Variants in CNTNAP2 observed in about 807,000 individuals in gnomAD.
The protein encoded by CNTNAP2 is contactin-associated protein-like 2.
CNTNAP2 carries 98 observed loss-of-function variants against 155.2 expected under a neutral mutation model. The observed-to-expected ratio is 0.63, with a 90% CI of 0.54 to 0.75. CNTNAP2 has a LOEUF of 0.75. CNTNAP2 is among the 30% of genes least tolerant of loss of function. The pLI is 0.00. For synonymous variants in CNTNAP2, 651 were observed against 631.2 expected (o/e 1.03, Z -0.47); for missense variants, 1,727 against 1,688.1 (o/e 1.02, Z -0.40).
At chr7:147,247,117 A>C (rs1804085859) in intron 8 of CNTNAP2, among the ~76,000 whole-genome samples, 1 of 152,190 alleles carries the variant, frequency 6.6e-6, no homozygotes, top group Non-Finnish European at 1.5e-5. Context: ...TCTATTTTTG[A>C]AATCAATAAT....
chr7:148,404,902 C>A (rs899866663), intron 22 of CNTNAP2, among the ~76,000 whole-genome samples: 18 of 152,194 alleles, frequency 1.2e-4, no homozygotes, highest in African/African-American at 3.6e-4. Flanking sequence ...TGCTGCTTCT[C>A]CTCTTGATGT....
chr7:146,750,909 A>C (rs182045886), intron 1 of CNTNAP2, among the ~76,000 whole-genome samples: 2,063 of 152,320 alleles, frequency 0.014, 40 homozygotes, highest in African/African-American at 0.047. Flanking sequence ...CTGAGATATA[A>C]AAATAATGCT....
chr7:147,888,318 C>A (rs1799632354), intron 13 of CNTNAP2, among the ~76,000 whole-genome samples: 1 of 151,822 alleles, frequency 6.6e-6, no homozygotes, highest in Admixed American at 6.6e-5. Context: ...AAATTAAAAG[C>A]TTAATGTTAG....
At chr7:148,235,521 A>T (rs1796027333) in intron 20 of CNTNAP2, among the ~76,000 whole-genome samples, 1 of 152,064 alleles carries the variant, frequency 6.6e-6, no homozygotes, top group Non-Finnish European at 1.5e-5. Context: ...ACTGCCACCA[A>T]CTTCCCTGCT....
At chr7:146,299,622 C>T (rs1800572758) in intron 1 of CNTNAP2, among the ~76,000 whole-genome samples, 1 of 151,536 alleles carries the variant, frequency 6.6e-6, no homozygotes, top group Non-Finnish European at 1.5e-5. Flanking sequence ...GGATGGTCAC[C>T]AACACTGGCC....
chr7:146,246,962 G>A (rs1234391978), intron 1 of CNTNAP2, among the ~76,000 whole-genome samples: 1 of 152,164 alleles, frequency 6.6e-6, no homozygotes, highest in East Asian at 1.9e-4. Context: ...GCAAGGAATT[G>A]CAACTTTTTT....
At chr7:147,548,449 G>A (rs972722142) in intron 11 of CNTNAP2, among the ~76,000 whole-genome samples, 5 of 151,538 alleles carry the variant, frequency 3.3e-5, no homozygotes, top group Non-Finnish European at 4.4e-5. Flanking sequence ...TTTTTGATGG[G>A]GTTGTTTGAT....
intron 8 of CNTNAP2, among the ~76,000 whole-genome samples, chr7:147,286,244 A>G (rs569861041): frequency 1.3e-5 from 2 of 152,080 alleles, no homozygotes; most frequent in Non-Finnish European, 2.9e-5. Flanking sequence ...TCTGAAACAT[A>G]TATGGGACAA....
intron 1 of CNTNAP2, among the ~76,000 whole-genome samples, chr7:146,555,066 T>C (rs1468472868): frequency 3.9e-5 from 6 of 152,228 alleles, no homozygotes; most frequent in Admixed American, 3.9e-4. Context: ...TACAGGTTTC[T>C]TACTCTTCCC....
chr7:146,801,138 G>A (rs1287508863), intron 2 of CNTNAP2, among the ~76,000 whole-genome samples: 1 of 152,146 alleles, frequency 6.6e-6, no homozygotes, highest in Non-Finnish European at 1.5e-5. Context: ...CTTCATGGAG[G>A]ATGAAGGGGT....
chr7:146,932,140 A>G (rs1409434561), intron 3 of CNTNAP2, among the ~76,000 whole-genome samples: 1 of 152,156 alleles, frequency 6.6e-6, no homozygotes, highest in Non-Finnish European at 1.5e-5. Flanking sequence ...ACCAAAAAAG[A>G]GAATTTTAGA....
At chr7:146,894,841 G>T (rs565470209) in intron 3 of CNTNAP2, among the ~76,000 whole-genome samples, 34 of 152,226 alleles carry the variant, frequency 2.2e-4, no homozygotes, top group African/African-American at 7.9e-4. Context: ...GCTGATGGCC[G>T]ACCTTGACTG....
At chr7:146,874,514 A>G (rs1326097239) in intron 3 of CNTNAP2, among the ~76,000 whole-genome samples, 1 of 151,818 alleles carries the variant, frequency 6.6e-6, no homozygotes, top group African/African-American at 2.4e-5. Flanking sequence ...TAATTTTTGC[A>G]TTTTTGTAGA....
chr7:147,591,620 G>T (rs1800735574), intron 12 of CNTNAP2, among the ~76,000 whole-genome samples: 1 of 151,780 alleles, frequency 6.6e-6, no homozygotes, highest in Non-Finnish European at 1.5e-5. Context: ...TATGTTTATT[G>T]GTTTTCTGAT....
intron 13 of CNTNAP2, among the ~76,000 whole-genome samples, chr7:147,789,532 C>G (rs1181472167): frequency 3.3e-5 from 5 of 152,176 alleles, no homozygotes; most frequent in Non-Finnish European, 7.3e-5. Flanking sequence ...CTGACAGCTT[C>G]CAAGCTCTTA....
At chr7:147,330,415 C>T (rs1795538328) in intron 9 of CNTNAP2, among the ~76,000 whole-genome samples, 1 of 152,096 alleles carries the variant, frequency 6.6e-6, no homozygotes, top group Non-Finnish European at 1.5e-5. Context: ...CTTGAGTTCC[C>T]TGAGATACTC....
chr7:146,441,328 A>G (rs1053559797), intron 1 of CNTNAP2, among the ~76,000 whole-genome samples: 1 of 151,514 alleles, frequency 6.6e-6, no homozygotes, highest in African/African-American at 2.5e-5. Context: ...ACTAAGTTTC[A>G]GAGGACTTTC....
chr7:147,079,967 T>C (rs1373014956), intron 4 of CNTNAP2, among the ~76,000 whole-genome samples: 1 of 150,764 alleles, frequency 6.6e-6, no homozygotes, highest in East Asian at 2.0e-4. Flanking sequence ...ACAAAGTTAG[T>C]AAGTAGTAGA....
chr7:146,589,220 T>C (rs1160084390), intron 1 of CNTNAP2, among the ~76,000 whole-genome samples: 1 of 152,110 alleles, frequency 6.6e-6, no homozygotes, highest in African/African-American at 2.4e-5. Context: ...AAGTGGAGTG[T>C]AGGTAGGCTT....
Sources: gnomAD v4.1 joint callset for allele counts (sites outside exome capture counted in the v4.1 genomes callset) on GRCh38, gnomAD v4.1.1 for gene constraint, MANE v1.5 for transcripts, NCBI Gene and HGNC (gene_info 2026-07-23, HGNC 2026-07-21) for gene names.